Variants in GTPBP10 observed in about 807,000 individuals in gnomAD.
GTPBP10 encodes GTP-binding protein 10.
A neutral mutation model predicts 44.8 loss-of-function variants in GTPBP10; 38 were observed. The ratio of observed to expected loss-of-function variants is 0.85; its 90% CI spans 0.65 to 1.11. GTPBP10 has a LOEUF of 1.11. Ranked by LOEUF, GTPBP10 falls within the 50% of genes most tolerant of loss-of-function variation. The probability of loss-of-function intolerance (pLI) is 0.00; values close to 1 mark genes in which losing one functional copy is unlikely to be tolerated. For synonymous variants in GTPBP10, 152 were observed against 150.6 expected (o/e 1.01, Z -0.07); for missense variants, 462 against 453.7 (o/e 1.02, Z -0.17).
intron 1 of GTPBP10, among the ~76,000 whole-genome samples, chr7:90,352,086 G>A (rs1795801184): frequency 1.3e-5 from 2 of 152,204 alleles, no homozygotes; most frequent in South Asian, 2.1e-4. Flanking sequence ...CAGGCAACAA[G>A]TTGGAGAATG....
intron 1 of GTPBP10, among the ~76,000 whole-genome samples, chr7:90,350,987 C>CTGTGAGAGAT: frequency 6.6e-6 from 1 of 152,274 alleles, no homozygotes; most frequent in Non-Finnish European, 1.5e-5. Flanking sequence ...TGCAAGAGAA[C>CTGTGAGAGAT]TGTGAGAGAT....
At chr7:90,368,619 C>T (rs1341655173) in intron 4 of GTPBP10, among the ~76,000 whole-genome samples, 2 of 152,170 alleles carry the variant, frequency 1.3e-5, no homozygotes, top group African/African-American at 4.8e-5. Flanking sequence ...ACGAAGTTCT[C>T]GTGCTGTGGT....
rs1411818739 is a variant in GTPBP10 at position 90,390,855 on chromosome 7, TA to T, written c.*5703del. ...TAAGAAGACTATAGTATAATTTTCT[TA>T]AGAAAAAAGACATGATTATAAGCTA... On this transcript the variant is annotated 3_prime_UTR_variant, in exon 10 of 10. Coordinates refer to ENST00000222511, the MANE Select transcript of GTPBP10 (RefSeq NM_033107.4). 6.6e-6 allele frequency: 1 copy of T among 152,152 alleles called. No individual in the cohort carries two copies. Among genetic ancestry groups the T allele is most frequent in the African/African-American group, 2.4e-5 (1 of 41,448 alleles). 9.4% of individuals were successfully genotyped at this position (152,152 alleles called of 1,614,324 possible).
intron 4 of GTPBP10, among the ~76,000 whole-genome samples, chr7:90,363,496 A>G (rs1203739389): frequency 6.6e-6 from 1 of 152,196 alleles, no homozygotes; most frequent in East Asian, 1.9e-4. Flanking sequence ...GTTTCTGCCG[A>G]GAGATCAGCT....
intron 4 of GTPBP10, among the ~76,000 whole-genome samples, chr7:90,357,315 G>T (rs1469760874): frequency 6.6e-6 from 1 of 152,140 alleles, no homozygotes; most frequent in East Asian, 1.9e-4. Context: ...ATATGAGGAT[G>T]TTGGAAACAA....
chr7:90,375,397 A>G (rs1345135360), intron 6 of GTPBP10, among the ~76,000 whole-genome samples: 1 of 152,204 alleles, frequency 6.6e-6, no homozygotes, highest in Admixed American at 6.5e-5. Flanking sequence ...TACAGCACCA[A>G]GAATGCAACA....
rs1301958844 is a variant in GTPBP10, at chr7:90,379,870, A to G, written c.777+1659A>G. On this transcript the variant is annotated intron_variant, in intron 8 of 9. Transcript: ENST00000222511. Reference sequence around the variant, plus strand: ...TTTTTACTTTAGTCATCCTAGTGGGAGTGCAGTGGTATTTTGTTATAGTTC... The same window carrying G: ...TTTTTACTTTAGTCATCCTAGTGGGGGTGCAGTGGTATTTTGTTATAGTTC... Among the ~76,000 whole-genome samples, 4 of 152,098 alleles carry G rather than the reference A, an allele frequency of 2.6e-5. No homozygotes were observed. In the South Asian group the frequency reaches 8.3e-4, roughly 32 times the overall value.
At chr7:90,358,476 C>A (rs190994401) in intron 4 of GTPBP10, among the ~76,000 whole-genome samples, 7 of 152,200 alleles carry the variant, frequency 4.6e-5, no homozygotes, top group Non-Finnish European at 8.8e-5. Context: ...ATACTTAAGA[C>A]CAACTGATCG....
chr7:90,372,423 CCCTGCATCAG>C (rs11278488), intron 5 of GTPBP10, among the ~76,000 whole-genome samples, 195 bp downstream of exon 5: 36,647 of 150,828 alleles, frequency 0.24, 4,784 homozygotes, highest in African/African-American at 0.33. Context: ...CAAGCCATCC[CCCTGCATCAG>C]CCTCCCATGT....
intron 8 of GTPBP10, among the ~76,000 whole-genome samples, chr7:90,382,161 TA>T (rs1428839620): frequency 1.3e-5 from 2 of 152,172 alleles, no homozygotes; most frequent in East Asian, 3.8e-4. Context: ...ATATATCTGA[TA>T]AGTGGTTGAT....
In GTPBP10 at chr7:90,377,590, AAG is replaced by A. The variant is rs1562960286; in HGVS notation, c.677_678del (p.Arg226AsnfsTer2). ...MGHKFLKHIERTRQLLFVVDI... is the reference protein window; with the variant it reads ...MGHKFLKHIEXTRQLLFVVDI... ...GCCACAAATTCCTCAAGCATATAGA[AAG>A]AACTAGACAACTACTTTTTGTTGTA... On this transcript the variant is annotated frameshift_variant, in exon 7 of 10. Coordinates refer to ENST00000222511, the MANE Select transcript of GTPBP10 (RefSeq NM_033107.4). LOFTEE classifies it high-confidence loss of function. 6.2e-7 allele frequency: 1 copy of A among 1,609,696 alleles called. No individual in the cohort carries two copies. The highest frequency in any genetic ancestry group is 1.7e-5 in the Admixed American group (1 of 59,856).
intron 4 of GTPBP10, among the ~76,000 whole-genome samples, chr7:90,357,245 A>G (rs1562954625): frequency 1.3e-5 from 2 of 152,132 alleles, no homozygotes; most frequent in Non-Finnish European, 2.9e-5. Flanking sequence ...TCATCTTTCT[A>G]TTCATACTTT....
chr7:90,349,887 A>G (rs759710317), intron 1 of GTPBP10, among the ~76,000 whole-genome samples: 5 of 151,446 alleles, frequency 3.3e-5, no homozygotes, highest in Non-Finnish European at 7.4e-5. Context: ...TGTTATCTTG[A>G]TATTTCTAAA....
Position 90,355,230 on chromosome 7 carries a change from G to A in GTPBP10, c.464G>A (p.Gly155Glu). Reference protein sequence around the residue: ...LKLIADVGLVGFPNAGKSSLL... With the variant: ...LKLIADVGLVEFPNAGKSSLL... Reference sequence around the variant, plus strand: ...CTTATAGCTGATGTAGGCCTAGTAGGGTAAGTATCGTTCATATTTTTATTA... The same window carrying A: ...CTTATAGCTGATGTAGGCCTAGTAGAGTAAGTATCGTTCATATTTTTATTA... Residue 155 changes from glycine to glutamate, a missense_variant and splice_region_variant, in exon 4 of 10, where the codon GGA becomes GAA. Gly to Glu is a moderately conservative substitution (Grantham distance 98, BLOSUM62 -2). Coordinates refer to ENST00000222511, the MANE Select transcript of GTPBP10 (RefSeq NM_033107.4). 6.5e-7 allele frequency: 1 copy of A among 1,532,528 alleles called. No individual in the cohort carries two copies. Among genetic ancestry groups the A allele is most frequent in the Non-Finnish European group, 8.8e-7 (1 of 1,134,598 alleles). The allele number at this position is 1,532,528 out of a possible 1,614,324, so 94.9% of individuals were successfully genotyped here.
chr7:90,361,116 A>G (rs1412915057), intron 4 of GTPBP10, among the ~76,000 whole-genome samples: 1 of 152,046 alleles, frequency 6.6e-6, no homozygotes, highest in African/African-American at 2.4e-5. Flanking sequence ...CTAATTGAAT[A>G]CCCTTTATTT....
rs762799239 is a variant in GTPBP10, at chr7:90,355,167, T to C, written c.401T>C (p.Leu134Ser). ...GGKLLTNFLP[L>S]KGQKRIIHLD... Reference sequence around the variant, plus strand: ...AAATTACTTACAAATTTCTTACCATTGAAAGGCCAGAAACGAATAATTCAC... The same window carrying C: ...AAATTACTTACAAATTTCTTACCATCGAAAGGCCAGAAACGAATAATTCAC... The change falls in exon 4 of 10, where the codon TTG becomes TCG. Residue 134 changes from leucine to serine, a missense_variant. Transcript: ENST00000222511. 2 of 1,608,042 alleles carry C rather than the reference T, an allele frequency of 1.2e-6. No homozygotes were observed. Among genetic ancestry groups the C allele is most frequent in the Admixed American group, 3.4e-5 (2 of 59,462 alleles).
chr7:90,379,535 C>G (rs1426760756), intron 8 of GTPBP10, among the ~76,000 whole-genome samples: 1 of 152,220 alleles, frequency 6.6e-6, no homozygotes, highest in African/African-American at 2.4e-5. Context: ...TGATTTCTCT[C>G]TAAGACAACA....
chr7:90,362,025 C>T (rs201638849), intron 4 of GTPBP10, among the ~76,000 whole-genome samples: 5 of 151,960 alleles, frequency 3.3e-5, no homozygotes, highest in South Asian at 2.1e-4. Flanking sequence ...CTCTCTTTTC[C>T]TCTTTATTAG....
rs535247816 is a variant in GTPBP10 at position 90,357,541 on chromosome 7, A to T, written c.464+2311A>T. On this transcript the variant is annotated intron_variant, in intron 4 of 9. Transcript: ENST00000222511. ...TACCTCCAGCTAATACGCTTTTATA[A>T]AATTCCAAATTAATATTTGCAGAAT... is the stretch of plus-strand genomic sequence containing the variant. Among the ~76,000 whole-genome samples the T allele has an allele frequency of 2.6e-5, 4 of 152,276 alleles. 1 individual carries two copies. The highest frequency in any genetic ancestry group is 7.2e-5 in the African/African-American group (3 of 41,566).
Sources: gnomAD v4.1 joint callset for allele counts (sites outside exome capture counted in the v4.1 genomes callset) on GRCh38, gnomAD v4.1.1 for gene constraint, MANE v1.5 for transcripts, NCBI Gene and HGNC (gene_info 2026-07-23, HGNC 2026-07-21) for gene names.